Variants in CELF2 observed in about 807,000 individuals in gnomAD.
CELF2 encodes CUGBP Elav-like family member 2, also known as CUG triplet repeat RNA-binding protein 2.
In CELF2, 8 loss-of-function variants were observed where a neutral mutation model predicts 62.6. The ratio of observed to expected loss-of-function variants is 0.13; its 90% CI spans 0.07 to 0.23. The LOEUF (loss-of-function observed/expected upper bound fraction) is 0.23, where lower values mean the gene tolerates loss of function less well. Ranked by LOEUF, CELF2 falls within the 10% of genes least tolerant of loss-of-function variation. The pLI, the probability that CELF2 is intolerant of heterozygous loss-of-function variation, is 1.00. For missense variants in CELF2, 333 were observed against 671.0 expected, an observed-to-expected ratio of 0.50 and a Z score of 5.56; for synonymous variants, 258 against 250.0, an observed-to-expected ratio of 1.03 and a Z score of -0.30.
At position 11,306,940 on chromosome 10, in the gene CELF2, G is replaced by A. The variant is rs562143144; in HGVS notation, c.977-7199G>A. 1.2e-4 allele frequency among the ~76,000 whole-genome samples: 19 copies of A among 152,288 alleles called. No homozygotes were observed. The highest frequency in any genetic ancestry group is 1.2e-3 in the East Asian group (6 of 5,184). On this transcript the variant is annotated intron_variant, in intron 9 of 12. Coordinates refer to ENST00000633077, the MANE Select transcript of CELF2 (RefSeq NM_001326342.2). The surrounding 1 kb of genome is among the most constrained non-coding windows in gnomAD (Gnocchi z 4.4). The stretch of plus-strand genomic sequence containing the variant: ...AAGGGGCCCAGGGAGTTTCTAGGCC[G>A]CCTCCACCTCTCCTATGGCCCCCTG...
intron 1 of CELF2, among the ~76,000 whole-genome samples, chr10:10,807,438 A>G (rs1435792498): frequency 6.6e-6 from 1 of 152,226 alleles, no homozygotes; most frequent in Non-Finnish European, 1.5e-5. Context: ...AGGGCATTCC[A>G]TTCAAAGCCT....
chr10:10,760,717 G>A, the CELF2 span, among the ~76,000 whole-genome samples: 5 of 152,250 alleles, frequency 3.3e-5, no homozygotes, highest in South Asian at 8.3e-4. Context: ...AGTAGAACAC[G>A]TCCAAGCAAA....
intron 2 of CELF2, among the ~76,000 whole-genome samples, chr10:10,999,117 C>T (rs1366720778): frequency 1.3e-5 from 2 of 152,246 alleles, no homozygotes; most frequent in East Asian, 1.9e-4. Context: ...ATCTTTTTGT[C>T]TCTCCCTGTT....
chr10:11,298,214 G>A (rs1010502405), intron 9 of CELF2, among the ~76,000 whole-genome samples: 2 of 152,216 alleles, frequency 1.3e-5, no homozygotes, highest in Non-Finnish European at 2.9e-5. Flanking sequence ...TGTGGCGAGG[G>A]GGATGCTGCC....
intron 2 of CELF2, among the ~76,000 whole-genome samples, chr10:10,964,581 G>A (rs571703140): frequency 6.6e-6 from 1 of 152,292 alleles, no homozygotes; most frequent in East Asian, 1.9e-4. Flanking sequence ...TGTCATTTCA[G>A]CAACTTAAAA....
At chr10:10,596,712 T>C in the CELF2 span, among the ~76,000 whole-genome samples, 1 of 152,228 alleles carries the variant, frequency 6.6e-6, no homozygotes, top group African/African-American at 2.4e-5. Context: ...CCTTCACCCA[T>C]TTCTCAGAAA....
At chr10:10,651,353 C>G in the CELF2 span, among the ~76,000 whole-genome samples, 2 of 149,026 alleles carry the variant, frequency 1.3e-5, no homozygotes, top group African/African-American at 4.9e-5. Flanking sequence ...GAAGCTCGAA[C>G]TGGGTGGAAC....
intron 1 of CELF2, among the ~76,000 whole-genome samples, chr10:11,026,882 G>A (rs2059303278): frequency 6.6e-6 from 1 of 152,144 alleles, no homozygotes. Flanking sequence ...GCATTGAACT[G>A]TATTTTGACT....
rs1308715522 is a variant in CELF2, at chr10:10,995,303, G to T, written c.89+75304G>T. 6.6e-6 allele frequency among the ~76,000 whole-genome samples: 1 copy of T among 152,066 alleles called. No homozygotes were observed. The highest frequency in any genetic ancestry group is 2.4e-5 in the African/African-American group (1 of 41,480). ...ACTGGGACCATATTATGACATCTTT[G>T]TATCTCCTTTTCTCCTGAGATGATG... On this transcript the variant is annotated intron_variant, in intron 2 of 13. Coordinates refer to the CELF2 transcript ENST00000636488. This position sits in a 1 kb window ranked among gnomAD's most constrained non-coding sequence, Gnocchi z 4.7.
chr10:11,201,756 G>A (rs925523680), intron 2 of CELF2, among the ~76,000 whole-genome samples: 5 of 152,170 alleles, frequency 3.3e-5, no homozygotes, highest in African/African-American at 4.8e-5. Context: ...CAGGCCTTTC[G>A]CCTGGAAAGC....
intron 2 of CELF2, among the ~76,000 whole-genome samples, chr10:11,172,758 A>G (rs970663904): frequency 1.3e-5 from 2 of 151,966 alleles, no homozygotes; most frequent in East Asian, 1.9e-4. Context: ...AAAAGAAATT[A>G]CTCCTGGCCG....
intron 1 of CELF2, among the ~76,000 whole-genome samples, chr10:10,802,584 G>A (rs985325763): frequency 6.6e-6 from 1 of 152,186 alleles, no homozygotes; most frequent in African/African-American, 2.4e-5. Flanking sequence ...GAATTAAGCA[G>A]GGAATGGGAC....
chr10:10,770,562 A>G, the CELF2 span, among the ~76,000 whole-genome samples: 1 of 152,034 alleles, frequency 6.6e-6, no homozygotes, highest in Non-Finnish European at 1.5e-5. Flanking sequence ...GAAGGAGGAA[A>G]CAGAGAGAGC....
At chr10:10,775,871 G>A in the CELF2 span, among the ~76,000 whole-genome samples, 4 of 152,290 alleles carry the variant, frequency 2.6e-5, no homozygotes, top group African/African-American at 9.6e-5. Flanking sequence ...TTCCTAACAC[G>A]ATGCCCTTTC....
At chr10:10,620,520 A>G in the CELF2 span, among the ~76,000 whole-genome samples, 2 of 151,902 alleles carry the variant, frequency 1.3e-5, no homozygotes, top group Non-Finnish European at 2.9e-5. Context: ...GAAGTGTAAA[A>G]TAGTTCCTAT....
At chr10:10,743,712 A>C in the CELF2 span, among the ~76,000 whole-genome samples, 1 of 152,162 alleles carries the variant, frequency 6.6e-6, no homozygotes, top group Non-Finnish European at 1.5e-5. Flanking sequence ...ACATCTTCAT[A>C]GTGGTTGCTA....
chr10:10,590,896 G>C, the CELF2 span, among the ~76,000 whole-genome samples: 1 of 152,038 alleles, frequency 6.6e-6, no homozygotes. Flanking sequence ...TATTCCTCCA[G>C]GGCAAAATGC....
chr10:11,151,482 T>C (rs1297091509), intron 1 of CELF2, among the ~76,000 whole-genome samples: 1 of 152,336 alleles, frequency 6.6e-6, no homozygotes, highest in East Asian at 1.9e-4. Context: ...GGCAAGGCTG[T>C]GTTCCTTCCA....
the CELF2 span, among the ~76,000 whole-genome samples, chr10:10,628,911 G>C: frequency 6.6e-6 from 1 of 152,158 alleles, no homozygotes; most frequent in Non-Finnish European, 1.5e-5. Flanking sequence ...TTTGTGGCTA[G>C]AAAGAAAAGG....
Sources: gnomAD v4.1 joint callset for allele counts (sites outside exome capture counted in the v4.1 genomes callset) on GRCh38, gnomAD v4.1.1 for gene constraint, Gnocchi (gnomAD v3.1) non-coding constraint, MANE v1.5 for transcripts, NCBI Gene and HGNC (gene_info 2026-07-23, HGNC 2026-07-21) for gene names.